Variants in ACVR1C observed in about 807,000 individuals in gnomAD.
The protein encoded by ACVR1C is activin receptor type-1C.
ACVR1C carries 23 observed loss-of-function variants against 57.9 expected under a neutral mutation model. The observed-to-expected ratio is 0.40, with a 90% CI of 0.29 to 0.56. The LOEUF is 0.56. ACVR1C is among the 20% of genes least tolerant of loss of function. The probability of loss-of-function intolerance (pLI) is 0.50; values close to 1 mark genes in which losing one functional copy is unlikely to be tolerated. For missense variants in ACVR1C, 480 were observed against 607.9 expected (o/e 0.79, Z 2.21); for synonymous variants, 214 against 215.3 (o/e 0.99, Z 0.05).
intron 2 of ACVR1C, among the ~76,000 whole-genome samples, chr2:157,564,961 G>T (rs996258374): frequency 1.8e-4 from 28 of 152,270 alleles, no homozygotes; most frequent in Admixed American, 1.3e-3. Context: ...CTGTCAGGGG[G>T]TGGAGGGTAA....
intron 1 of ACVR1C, among the ~76,000 whole-genome samples, chr2:157,588,959 G>A (rs527886381): frequency 2.0e-4 from 29 of 142,584 alleles, no homozygotes; most frequent in African/African-American, 6.7e-4. Context: ...TTCATTTATC[G>A]GTTGATGGGC....
intron 3 of ACVR1C, among the ~76,000 whole-genome samples, chr2:157,555,440 G>C (rs1381397164): frequency 6.6e-6 from 1 of 152,142 alleles, no homozygotes; most frequent in Admixed American, 6.5e-5. Context: ...CGCTTTACCT[G>C]GGGTTCTGGA....
intron 4 of ACVR1C, among the ~76,000 whole-genome samples, chr2:157,545,140 A>C (rs1010619925): frequency 6.6e-6 from 1 of 152,224 alleles, no homozygotes; most frequent in Non-Finnish European, 1.5e-5. Context: ...AGTAAGAGCC[A>C]AACACAATTA....
intron 1 of ACVR1C, among the ~76,000 whole-genome samples, chr2:157,604,941 C>G (rs932907548): frequency 6.6e-6 from 1 of 151,774 alleles, no homozygotes; most frequent in African/African-American, 2.4e-5. Flanking sequence ...ACAGATCATG[C>G]TTTTAGTACC....
chr2:157,618,913 A>G (rs1466407068), intron 1 of ACVR1C, among the ~76,000 whole-genome samples: 1 of 151,874 alleles, frequency 6.6e-6, no homozygotes, highest in Non-Finnish European at 1.5e-5. Context: ...CAATTAGAAA[A>G]AAACAAAAAA....
chr2:157,602,097 CA>C (rs996375369), intron 1 of ACVR1C, among the ~76,000 whole-genome samples: 2 of 152,040 alleles, frequency 1.3e-5, no homozygotes, highest in Non-Finnish European at 2.9e-5. Flanking sequence ...ATAAAATCAG[CA>C]GCTCCAAATC....
chr2:157,628,701 G>T lies in ACVR1C; in HGVS notation c.-57C>A. On this transcript the variant is annotated 5_prime_UTR_variant, in exon 1 of 9. Coordinates refer to ENST00000243349, the MANE Select transcript of ACVR1C (RefSeq NM_145259.3). ...GCCCCAGAGCAGAGCGAGGCAGCCG[G>T]GGCAGCACGGCCCGCTTTGAAGTTC... 5 of 1,413,220 alleles carry T rather than the reference G, an allele frequency of 3.5e-6. No homozygotes were observed. Among genetic ancestry groups the T allele is most frequent in the Non-Finnish European group, 4.7e-6 (5 of 1,074,214 alleles). 87.5% of individuals were successfully genotyped at this position (1,413,220 alleles called of 1,614,324 possible). A position where few individuals can be genotyped will look rare whatever the true frequency, so the allele number is the denominator to read the frequency against.
intron 1 of ACVR1C, among the ~76,000 whole-genome samples, chr2:157,589,937 T>C (rs1328701408): frequency 6.6e-6 from 1 of 151,928 alleles, no homozygotes; most frequent in Non-Finnish European, 1.5e-5. Flanking sequence ...GGGGAAAGGA[T>C]ACTCTATTCA....
At chr2:157,568,176 C>A in intron 2 of ACVR1C, among the ~76,000 whole-genome samples, 1 of 75,638 alleles carries the variant, frequency 1.3e-5, no homozygotes, top group African/African-American at 5.2e-5. Flanking sequence ...GATTTTGTCA[C>A]CACCAGGCCT....
chr2:157,575,256 GT>G (rs2105244472), intron 2 of ACVR1C, among the ~76,000 whole-genome samples: 1 of 151,894 alleles, frequency 6.6e-6, no homozygotes, highest in African/African-American at 2.4e-5. Flanking sequence ...AGCCTCCTGA[GT>G]GAGTAGCTGG....
chr2:157,550,405 A>C lies in ACVR1C; in HGVS notation c.545-13T>G, dbSNP rs770741387. 3 of 1,605,184 alleles carry C rather than the reference A, an allele frequency of 1.9e-6. No individual in the cohort carries two copies. ...AACAGAGGTAGACCTAACCAAAGAA[A>C]AGATGGAATTGATAATTAAACACAA... On this transcript the variant is annotated splice_polypyrimidine_tract_variant and intron_variant, in intron 3 of 8. Transcript: ENST00000243349.
chr2:157,549,053 A>C (rs919674468), intron 4 of ACVR1C, among the ~76,000 whole-genome samples: 27 of 152,158 alleles, frequency 1.8e-4, no homozygotes, highest in Admixed American at 1.2e-3. Context: ...GTTGGTAAAT[A>C]GCTGCTATTC....
At chr2:157,538,031 G>C (rs937524524) in intron 8 of ACVR1C, among the ~76,000 whole-genome samples, 1 of 152,184 alleles carries the variant, frequency 6.6e-6, no homozygotes, top group African/African-American at 2.4e-5. Context: ...GGTTGGAATT[G>C]TAATATTCTG....
chr2:157,541,245 C>G (rs1276218696), intron 6 of ACVR1C, 31 bp from the exon 7 acceptor site: 1 of 1,602,294 alleles, frequency 6.2e-7, no homozygotes, highest in Non-Finnish European at 8.5e-7. Flanking sequence ...CAGATTCTGT[C>G]TATGACTTTA....
chr2:157,604,368 T>C (rs1189486018), intron 1 of ACVR1C, among the ~76,000 whole-genome samples: 1 of 152,078 alleles, frequency 6.6e-6, no homozygotes, highest in African/African-American at 2.4e-5. Context: ...TGCAGTCTTT[T>C]GAGTCTGGCT....
At chr2:157,619,640 C>A (rs1682722750) in intron 1 of ACVR1C, among the ~76,000 whole-genome samples, 1 of 151,968 alleles carries the variant, frequency 6.6e-6, no homozygotes, top group African/African-American at 2.4e-5. Flanking sequence ...AGGATAAACT[C>A]TGACCCTTTG....
intron 1 of ACVR1C, among the ~76,000 whole-genome samples, chr2:157,625,104 C>T (rs1682868672): frequency 6.6e-6 from 1 of 152,100 alleles, no homozygotes; most frequent in Non-Finnish European, 1.5e-5. Flanking sequence ...GAACTTCAGA[C>T]CCAGAAAACC....
At chr2:157,583,012 G>T (rs1302089404) in intron 2 of ACVR1C, among the ~76,000 whole-genome samples, 1 of 152,030 alleles carries the variant, frequency 6.6e-6, no homozygotes, top group African/African-American at 2.4e-5. Flanking sequence ...CTCCCAAGTA[G>T]CTGGGACTAC....
chr2:157,549,606 T>C (rs543545620), intron 4 of ACVR1C, among the ~76,000 whole-genome samples: 1 of 152,274 alleles, frequency 6.6e-6, no homozygotes, highest in African/African-American at 2.4e-5. Context: ...TCATTTGCCC[T>C]GCTTCATTGT....
Sources: allele counts gnomAD v4.1 joint callset (sites outside exome capture counted in the v4.1 genomes callset), GRCh38; gene constraint gnomAD v4.1.1; transcripts MANE v1.5; gene names NCBI Gene and HGNC (gene_info 2026-07-23, HGNC 2026-07-21).